IFT57: variants seen among roughly 807,000 people sequenced by gnomAD.
IFT57 encodes the protein intraflagellar transport 57.
Under a neutral mutation model 56.8 loss-of-function variants are expected in IFT57, and 59 were observed. The observed-to-expected ratio is 1.04, with a 90% confidence interval of 0.84 to 1.29. The LOEUF (loss-of-function observed/expected upper bound fraction) is 1.29. Among genes scored for constraint, IFT57 ranks in the 50% most tolerant of loss-of-function variants. The probability of loss-of-function intolerance (pLI) is 0.00; values close to 1 mark genes in which losing one functional copy is unlikely to be tolerated. For missense variants in IFT57, 470 were observed against 522.1 expected (o/e 0.90, Z 0.97); for synonymous variants, 209 against 186.1 (o/e 1.12, Z -1.00).
In IFT57 at chr3:108,222,368, T is replaced by C. The variant is rs1317247057; in HGVS notation, c.-46A>G. 5 of 1,534,134 alleles carry C rather than the reference T, an allele frequency of 3.3e-6. No individual in the cohort carries two copies. Among genetic ancestry groups the C allele is most frequent in the Non-Finnish European group, 4.4e-6 (5 of 1,141,534 alleles). ...GCGTGGGCTCAGGCCCACAGACCTCTGCGGCCTAAGCCGCCAGCCCTGCCG... is the reference window on the plus strand; with the variant it reads ...GCGTGGGCTCAGGCCCACAGACCTCCGCGGCCTAAGCCGCCAGCCCTGCCG... On this transcript the variant is annotated 5_prime_UTR_variant, in exon 1 of 11. Coordinates refer to ENST00000264538, the MANE Select transcript of IFT57 (RefSeq NM_018010.4).
chr3:108,186,082 C>T (rs1425721194), intron 6 of IFT57, among the ~76,000 whole-genome samples: 2 of 152,086 alleles, frequency 1.3e-5, no homozygotes, highest in Admixed American at 6.6e-5. Context: ...AGTCTTATTA[C>T]ACATAGTACT....
At chr3:108,187,278 G>T (rs2080189234) in intron 6 of IFT57, among the ~76,000 whole-genome samples, 2 of 152,142 alleles carry the variant, frequency 1.3e-5, no homozygotes, top group Non-Finnish European at 2.9e-5. Context: ...AAATTAGTTT[G>T]CATTCTTTGA....
chr3:108,162,759 G>T lies in IFT57; in HGVS notation c.1112-104C>A, dbSNP rs78735821. ...CACTTTGTCTTAAGCCCAAAATAGG[G>T]TTAAAAATATAGCCAAAAACTTACT... On this transcript the variant is annotated intron_variant, in intron 10 of 10. Coordinates refer to ENST00000264538, the MANE Select transcript of IFT57 (RefSeq NM_018010.4). 5.7e-4 allele frequency: 518 copies of T among 912,344 alleles called. 3 individuals carry two copies. The African/African-American group carries it at 8.3e-3, about 15-fold the overall frequency. 56.5% of individuals were successfully genotyped at this position (912,344 alleles called of 1,614,324 possible). A position where few individuals can be genotyped will look rare whatever the true frequency, so the allele number is the denominator to read the frequency against.
intron 5 of IFT57, among the ~76,000 whole-genome samples, chr3:108,200,456 T>C (rs1025618833): frequency 2.0e-5 from 3 of 151,922 alleles, no homozygotes; most frequent in African/African-American, 4.8e-5. Context: ...TGGTAAGTGG[T>C]GATGAGGGTT....
chr3:108,173,363 C>A (rs2080104961), intron 6 of IFT57, among the ~76,000 whole-genome samples: 2 of 151,686 alleles, frequency 1.3e-5, no homozygotes, highest in East Asian at 3.9e-4. Context: ...TGGTAATGGT[C>A]TAGTTCTCAA....
chr3:108,206,729 A>T (rs2080316231), intron 4 of IFT57, 33 bp from the exon 5 acceptor site: 1 of 714,546 alleles, frequency 1.4e-6, no homozygotes, highest in Non-Finnish European at 2.0e-6. Flanking sequence ...AATTATTAAA[A>T]ATTATAATTA....
intron 5 of IFT57, among the ~76,000 whole-genome samples, chr3:108,198,819 GGGA>G (rs2080260678): frequency 6.6e-6 from 1 of 152,090 alleles, no homozygotes; most frequent in Non-Finnish European, 1.5e-5. Flanking sequence ...TAATGTATGA[GGGA>G]GGAATCCAGC....
intron 5 of IFT57, among the ~76,000 whole-genome samples, chr3:108,197,936 G>A (rs1357900974): frequency 6.6e-6 from 1 of 152,070 alleles, no homozygotes; most frequent in African/African-American, 2.4e-5. Flanking sequence ...ATGAGACAAT[G>A]TATTTAAAAG....
chr3:108,217,788 C>T (rs1298943636), intron 3 of IFT57, among the ~76,000 whole-genome samples: 1 of 150,564 alleles, frequency 6.6e-6, no homozygotes. Flanking sequence ...ACATTCTAAC[C>T]TATTAGTAAT....
chr3:108,201,666 C>G (rs1466793731), intron 5 of IFT57, among the ~76,000 whole-genome samples: 1 of 152,048 alleles, frequency 6.6e-6, no homozygotes, highest in Non-Finnish European at 1.5e-5. Context: ...AAATTAATGG[C>G]AACTGATAGG....
At chr3:108,218,003 A>AATAT (rs2107222776) in intron 3 of IFT57, among the ~76,000 whole-genome samples, 1 of 150,052 alleles carries the variant, frequency 6.7e-6, no homozygotes, top group African/African-American at 2.4e-5. Flanking sequence ...ACCATAGGAT[A>AATAT]AATATAATAT....
intron 3 of IFT57, among the ~76,000 whole-genome samples, chr3:108,217,140 A>G (rs978210066): frequency 1.3e-5 from 2 of 152,172 alleles, no homozygotes; most frequent in African/African-American, 2.4e-5. Context: ...TGAAATGATG[A>G]ATATGTTAAT....
chr3:108,206,061 TATATAATA>T (rs1167031482), intron 5 of IFT57, among the ~76,000 whole-genome samples: 13 of 105,362 alleles, frequency 1.2e-4, no homozygotes, highest in African/African-American at 4.1e-4. Context: ...ATATTATTTA[TATATAATA>T]ATATATTATA....
In IFT57 at chr3:108,185,551, ATTTTTTTTTTTT is replaced by A. The variant is rs1179200943; in HGVS notation, c.777+5958_777+5969del. On this transcript the variant is annotated intron_variant, in intron 6 of 10. Transcript: ENST00000264538. ...ATTACTAAGAGATGTGAGCACTAGG[ATTTTTTTTTTTT>A]TTTTTTTTTTTTTTGAGATGGAGTT... Among the ~76,000 whole-genome samples, 154 of 87,326 alleles carry A rather than the reference ATTTTTTTTTTTT, an allele frequency of 1.8e-3. 1 individual carries two copies. The highest frequency in any genetic ancestry group is 7.3e-3 in the African/African-American group (152 of 20,742). 57.3% of individuals were successfully genotyped at this position (87,326 alleles called of 152,430 possible).
chr3:108,196,740 G>C (rs2080246570), intron 5 of IFT57, among the ~76,000 whole-genome samples: 2 of 152,222 alleles, frequency 1.3e-5, no homozygotes, highest in South Asian at 4.1e-4. Flanking sequence ...AGTGAATAAA[G>C]GGCAAAAAGA....
Position 108,167,801 on chromosome 3 carries a change from C to T in IFT57, c.841G>A (p.Glu281Lys), listed in dbSNP as rs1465855415. 2.1e-5 allele frequency: 33 copies of T among 1,587,486 alleles called. No individual in the cohort carries two copies. Among genetic ancestry groups the T allele is most frequent in the Non-Finnish European group, 2.7e-5 (32 of 1,167,172 alleles). Residue 281 changes from glutamate to lysine, a missense_variant, in exon 7 of 11, where the codon GAG becomes AAG. Transcript: ENST00000264538. The part of the protein sequence containing the change: ...HRSGIESALK[E>K]TKGFLDKLHN... ...TAAAGTAATTCATATACCTTGGTCTCCTTTAGAGCAGATTCAATTCCACTT... is the reference window on the plus strand; with the variant it reads ...TAAAGTAATTCATATACCTTGGTCTTCTTTAGAGCAGATTCAATTCCACTT...
At chr3:108,206,094 ATT>A (rs1337114062) in intron 5 of IFT57, among the ~76,000 whole-genome samples, 1 of 134,220 alleles carries the variant, frequency 7.5e-6, no homozygotes. Context: ...AATAATATAT[ATT>A]GATATATAAT....
chr3:108,162,473 T>G lies in IFT57; in HGVS notation c.*4A>C. On this transcript the variant is annotated 3_prime_UTR_variant, in exon 11 of 11. Transcript: ENST00000264538. ...CTAATCAGAAACATGAAAACCAGTA[T>G]GTTTTAATAAAAGCCTGTTGCTGGT... The G allele has an allele frequency of 1.9e-6, 3 of 1,585,860 alleles. No homozygotes were observed. In the South Asian group the frequency reaches 3.5e-5, roughly 18 times the overall value.
At chr3:108,214,754 T>C (rs1311803841) in intron 3 of IFT57, among the ~76,000 whole-genome samples, 2 of 152,166 alleles carry the variant, frequency 1.3e-5, no homozygotes, top group African/African-American at 4.8e-5. Flanking sequence ...TCTTTTTAGG[T>C]GAAATGTCTA....
Sources: allele counts gnomAD v4.1 joint callset (sites outside exome capture counted in the v4.1 genomes callset), GRCh38; gene constraint gnomAD v4.1.1; transcripts MANE v1.5; gene names NCBI Gene and HGNC (gene_info 2026-07-23, HGNC 2026-07-21).